Variants in LTN1 observed in about 807,000 individuals in gnomAD.
The protein encoded by LTN1 is listerin E3 ubiquitin protein ligase 1.
Under a neutral mutation model 201.2 loss-of-function variants are expected in LTN1, and 88 were observed. The ratio of observed to expected loss-of-function variants is 0.44; its 90% CI spans 0.37 to 0.52. The LOEUF (loss-of-function observed/expected upper bound fraction) is 0.52. Ranked by LOEUF, LTN1 falls within the 20% of genes least tolerant of loss-of-function variation. The probability of loss-of-function intolerance (pLI) is 0.00; values close to 1 mark genes in which losing one functional copy is unlikely to be tolerated. For synonymous variants in LTN1, 645 were observed against 713.5 expected (o/e 0.90, Z 1.53); for missense variants, 1,752 against 2,038.7 (o/e 0.86, Z 2.71).
chr21:28,933,742 T>C (rs1454213533), intron 27 of LTN1, among the ~76,000 whole-genome samples: 1 of 151,394 alleles, frequency 6.6e-6, no homozygotes, highest in Admixed American at 6.6e-5. Flanking sequence ...AATGGCGTGA[T>C]CTCGGCTCAC....
At chr21:28,982,288 T>C (rs2832150) in intron 5 of LTN1, 28 bp downstream of exon 5, 182,113 of 1,575,140 alleles carry the variant, frequency 0.12, 13,718 homozygotes, top group East Asian at 0.4. Context: ...ATCCTTAACA[T>C]GAGTTACAAT....
chr21:28,965,818 A>G, intron 11 of LTN1, 47 bp downstream of exon 11: 1 of 1,063,750 alleles, frequency 9.4e-7, no homozygotes, highest in East Asian at 2.6e-5. Flanking sequence ...TAATATTTCT[A>G]TTCCCATAAA....
At chr21:28,939,967 C>T (rs1442624006) in intron 25 of LTN1, among the ~76,000 whole-genome samples, 2 of 152,080 alleles carry the variant, frequency 1.3e-5, no homozygotes, top group Non-Finnish European at 1.5e-5. Flanking sequence ...TATACAAATG[C>T]AAAGATGCAA....
intron 27 of LTN1, among the ~76,000 whole-genome samples, chr21:28,934,401 G>A (rs1032391293): frequency 6.6e-6 from 1 of 152,138 alleles, no homozygotes; most frequent in Non-Finnish European, 1.5e-5. Context: ...GGGGCCTGGT[G>A]GGAAGTGATT....
intron 18 of LTN1, among the ~76,000 whole-genome samples, chr21:28,951,649 G>A (rs1375276821): frequency 6.6e-6 from 1 of 151,976 alleles, no homozygotes; most frequent in Non-Finnish European, 1.5e-5. Flanking sequence ...TACAACAAAA[G>A]GCTATAGAGT....
At chr21:28,974,687 G>A (rs1258867179) in intron 6 of LTN1, among the ~76,000 whole-genome samples, 1 of 152,142 alleles carries the variant, frequency 6.6e-6, no homozygotes, top group Admixed American at 6.6e-5. Flanking sequence ...AGAGTGATGG[G>A]GGACTCTAGA....
chr21:28,967,441 T>G (rs868468571), intron 9 of LTN1, among the ~76,000 whole-genome samples: 3 of 152,170 alleles, frequency 2.0e-5, no homozygotes, highest in Non-Finnish European at 4.4e-5. Context: ...TGATCACCAG[T>G]GGCAATTACT....
intron 11 of LTN1, chr21:28,964,818 C>A: frequency 6.7e-7 from 1 of 1,495,226 alleles, no homozygotes; most frequent in South Asian, 1.3e-5. Flanking sequence ...ATTTGCACCC[C>A]CTGCTCTGAA....
chr21:28,947,539 C>T lies in LTN1; in HGVS notation c.3412G>A (p.Glu1138Lys), dbSNP rs1485043587. 3 of 1,594,236 alleles carry T rather than the reference C, an allele frequency of 1.9e-6. No individual in the cohort carries two copies. Among genetic ancestry groups the T allele is most frequent in the East Asian group, 4.6e-5 (2 of 43,898 alleles). Residue 1138 changes from glutamate (E) to lysine (K), a missense_variant, in exon 19 of 30, where the codon GAA becomes AAA. Glu to Lys is a moderately conservative substitution (Grantham distance 56). Transcript: ENST00000361371. ...QSLCPFLSKE[E>K]KKEFSAQCIP... The stretch of plus-strand genomic sequence containing the variant: ...CATTGAGCACTAAATTCTTTCTTTT[C>T]TTCTTTTGACAAAAATGGACATAGA...
At chr21:28,940,015 A>C (rs2084285142) in intron 25 of LTN1, among the ~76,000 whole-genome samples, 1 of 152,252 alleles carries the variant, frequency 6.6e-6, no homozygotes, top group African/African-American at 2.4e-5. Flanking sequence ...GGGTATGAGC[A>C]ACAACATAAA....
chr21:28,944,403 G>A lies in LTN1; in HGVS notation c.3962C>T (p.Pro1321Leu), dbSNP rs775296537. The A allele has an allele frequency of 1.1e-5, 17 of 1,612,766 alleles. No homozygotes were observed. The highest frequency in any genetic ancestry group is 1.3e-5 in the Non-Finnish European group (15 of 1,178,972). ...FSQGIHSLLLPILVTVTGENK... is the reference protein window; with the variant it reads ...FSQGIHSLLLLILVTVTGENK... ...CTTGCCTGTAACAGTCACCAAAATA[G>A]GTAAAAGCAAACTGTGGATGCCTTG... The change falls in exon 22 of 30, where the codon CCT becomes CTT. Residue 1321 changes from proline (P) to leucine (L), a missense_variant. By Grantham distance (98) the Pro-to-Leu change is moderately conservative. This residue lies in a region of LTN1 where 1,211 missense variants were observed against 1,312.8 expected (regional missense o/e 0.92). Transcript: ENST00000361371.
intron 4 of LTN1, among the ~76,000 whole-genome samples, chr21:28,982,725 C>T (rs1451129794): frequency 6.6e-6 from 1 of 152,186 alleles, no homozygotes; most frequent in African/African-American, 2.4e-5. Context: ...ACAAAGAACA[C>T]CATACATTGT....
At chr21:28,971,103 A>G (rs975769631) in intron 7 of LTN1, among the ~76,000 whole-genome samples, 168 bp downstream of exon 7, 1 of 152,230 alleles carries the variant, frequency 6.6e-6, no homozygotes, top group African/African-American at 2.4e-5. Context: ...AATAATTAAT[A>G]CTGGCAAAAC....
chr21:28,966,949 A>C lies in LTN1; in HGVS notation c.1542T>G (p.Gly514=), dbSNP rs765465901. 6.2e-7 allele frequency: 1 copy of C among 1,613,822 alleles called. No homozygotes were observed. The change falls in exon 10 of 30, where the codon GGT becomes GGG. Residue 514 remains glycine (G), a synonymous_variant. Transcript: ENST00000361371. Reference sequence around the variant, plus strand: ...GAAGCACCTGTAATAGGTTAGATACACCCAAAACGGACTCAACATCAGCTT... The same window carrying C: ...GAAGCACCTGTAATAGGTTAGATACCCCCAAAACGGACTCAACATCAGCTT... ...EPEADVESVL[G]VSNLLQVLQK...
rs1294652369 is a variant in LTN1 at position 28,928,478 on chromosome 21, C to G, written c.*1970G>C. ...AATTAATAATTTTGCTAATCTCATG[C>G]AATTTTAAAATGTCCTTAAGCTAAA... On this transcript the variant is annotated 3_prime_UTR_variant, in exon 30 of 30. Transcript: ENST00000361371. 6.6e-6 allele frequency: 1 copy of G among 152,094 alleles called. No homozygotes were observed. The highest frequency in any genetic ancestry group is 2.4e-5 in the African/African-American group (1 of 41,416). The allele number at this position is 152,094 out of a possible 1,614,324, so 9.4% of individuals were successfully genotyped here.
intron 7 of LTN1, 32 bp downstream of exon 7, chr21:28,971,239 C>T (rs776185727): frequency 5.3e-6 from 8 of 1,522,666 alleles, no homozygotes; most frequent in Non-Finnish European, 7.1e-6. Context: ...AGGTTCATTC[C>T]TCAGTGTACT....
intron 18 of LTN1, among the ~76,000 whole-genome samples, chr21:28,951,578 G>A (rs922291791): frequency 1.3e-5 from 2 of 151,836 alleles, no homozygotes; most frequent in Admixed American, 1.3e-4. Context: ...GATTTCTGGG[G>A]AAAAGAAAAC....
chr21:28,944,303 C>T (rs1381924065), intron 22 of LTN1, 80 bp downstream of exon 22: 2 of 1,050,484 alleles, frequency 1.9e-6, no homozygotes, highest in Non-Finnish European at 2.9e-6. Context: ...TTGATTTAAA[C>T]ATCAAAATTT....
chr21:28,938,571 G>A (rs1208582650), intron 25 of LTN1, among the ~76,000 whole-genome samples: 3 of 151,850 alleles, frequency 2.0e-5, no homozygotes, highest in Non-Finnish European at 4.4e-5. Context: ...CCACTCCAAG[G>A]TATACAACAC....
Sources: allele counts gnomAD v4.1 joint callset (sites outside exome capture counted in the v4.1 genomes callset), GRCh38; gene constraint gnomAD v4.1.1; regional missense constraint gnomAD v4.1.1; transcripts MANE v1.5; gene names NCBI Gene and HGNC (gene_info 2026-07-23, HGNC 2026-07-21).